Variants in NFRKB observed in about 807,000 individuals in gnomAD.
NFRKB encodes the protein nuclear factor related to kappaB binding protein.
In NFRKB, 62 loss-of-function variants were observed where a neutral mutation model predicts 135.7. That is an observed-to-expected ratio of 0.46 (90% CI 0.37 to 0.56). The LOEUF (loss-of-function observed/expected upper bound fraction) is 0.56, where lower values mean the gene tolerates loss of function less well. Among genes scored for constraint, NFRKB ranks in the 20% least tolerant of loss-of-function variants. The pLI, the probability that NFRKB is intolerant of heterozygous loss-of-function variation, is 0.00. For synonymous variants in NFRKB, 678 were observed against 635.6 expected (o/e 1.07, Z -1.00); for missense variants, 1,545 against 1,662.0 (o/e 0.93, Z 1.22).
At chr11:129,888,997 T>G (rs900679567) in intron 3 of NFRKB, among the ~76,000 whole-genome samples, 1 of 152,108 alleles carries the variant, frequency 6.6e-6, no homozygotes, top group East Asian at 1.9e-4. Flanking sequence ...TTTTTCTTTT[T>G]GAGACCAAAT....
At chr11:129,894,750 G>C (rs1255681748) in intron 1 of NFRKB, among the ~76,000 whole-genome samples, 1 of 152,182 alleles carries the variant, frequency 6.6e-6, no homozygotes, top group Non-Finnish European at 1.5e-5. Context: ...GGGTGAGACA[G>C]CACATAGCAT....
intron 15 of NFRKB, among the ~76,000 whole-genome samples, chr11:129,878,058 T>C (rs2135654721): frequency 6.6e-6 from 1 of 152,098 alleles, no homozygotes; most frequent in East Asian, 1.9e-4. Flanking sequence ...ATTAAAAAAG[T>C]ATGTCCACCT....
chr11:129,887,240 C>A (rs949795229), intron 4 of NFRKB, among the ~76,000 whole-genome samples: 1 of 152,176 alleles, frequency 6.6e-6, no homozygotes, highest in African/African-American at 2.4e-5. Context: ...AGTTGAGAAT[C>A]ACCCATGGAA....
intron 16 of NFRKB, among the ~76,000 whole-genome samples, chr11:129,877,118 C>A (rs534049661): frequency 5.9e-5 from 9 of 152,256 alleles, no homozygotes; most frequent in Non-Finnish European, 1.2e-4. Context: ...AGGCACTTTG[C>A]TACCTGGAAG....
At chr11:129,884,889 A>T in intron 6 of NFRKB, 43 bp from the exon 7 acceptor site, 1 of 1,613,742 alleles carries the variant, frequency 6.2e-7, no homozygotes, top group Non-Finnish European at 8.5e-7. Flanking sequence ...GTGGCTGTGG[A>T]CTCCAATAGG....
In NFRKB at chr11:129,864,490, T is replaced by C; in HGVS notation, c.*235A>G. ...AATTCCTGCAATTTCAACAGAATAT[T>C]CTCCTAGATTGGTAGAGAGCAGACC... is the stretch of plus-strand genomic sequence containing the variant. On this transcript the variant is annotated 3_prime_UTR_variant, in exon 27 of 27. Transcript: ENST00000682444. 1 of 488,174 alleles carries C rather than the reference T, an allele frequency of 2.0e-6. No homozygotes were observed. The highest frequency in any genetic ancestry group is 3.4e-5 in the Admixed American group (1 of 29,724). The allele number at this position is 488,174 out of a possible 1,614,324, so 30.2% of individuals were successfully genotyped here. A position where few individuals can be genotyped will look rare whatever the true frequency, so the allele number is the denominator to read the frequency against.
At chr11:129,868,507 G>A (rs1437291973) in intron 24 of NFRKB, among the ~76,000 whole-genome samples, 2 of 152,200 alleles carry the variant, frequency 1.3e-5, no homozygotes, top group Admixed American at 6.5e-5. Context: ...CCTTTCAGGC[G>A]GCACCGCTGG....
In NFRKB at chr11:129,881,502, G is replaced by A. The variant is rs775958584; in HGVS notation, c.1325C>T (p.Pro442Leu). ...QYLAGESRAV[P>L]SSFSPFVEFK... ...TTCAACAAATGGAGAGAAACTGGAA[G>A]GAACAGCTGCAAGAAATGGACCACA... The change falls in exon 13 of 27, where the codon CCT becomes CTT. Residue 442 changes from proline to leucine, a missense_variant. Pro to Leu is a moderately conservative substitution (Grantham distance 98, BLOSUM62 -3). Around this residue, in one of 3 missense-constraint regions of NFRKB, gnomAD observed 678 missense variants for 646.7 expected, o/e 1.05. Transcript: ENST00000682444. 2.5e-6 allele frequency: 4 copies of A among 1,614,132 alleles called. No homozygotes were observed. In the East Asian group the frequency reaches 8.9e-5, roughly 36 times the overall value.
At chr11:129,887,131 G>A (rs1244537391) in intron 4 of NFRKB, among the ~76,000 whole-genome samples, 1 of 152,192 alleles carries the variant, frequency 6.6e-6, no homozygotes, top group African/African-American at 2.4e-5. Context: ...AAGGGAAGAG[G>A]AAGAGGCTTC....
intron 22 of NFRKB, 52 bp downstream of exon 22, chr11:129,873,693 C>A: frequency 6.3e-7 from 1 of 1,589,270 alleles, no homozygotes. Context: ...CTCATCAGCC[C>A]ACCTCTGGGT....
intron 13 of NFRKB, 42 bp from the exon 14 acceptor site, chr11:129,878,585 G>A: frequency 6.6e-7 from 1 of 1,509,050 alleles, no homozygotes; most frequent in Non-Finnish European, 9.2e-7. Context: ...GAAGGTCTAA[G>A]GTATTATTGA....
chr11:129,885,701 G>A, intron 5 of NFRKB, 92 bp from the exon 6 acceptor site: 1 of 1,253,994 alleles, frequency 8.0e-7, no homozygotes, highest in African/African-American at 1.5e-5. Flanking sequence ...CTTCTCTTCA[G>A]TGTTAAGCCC....
In NFRKB at chr11:129,874,368, C is replaced by G. The variant is rs771565917; in HGVS notation, c.2059-35G>C. ...AAGACAAAGAAAACTCACCTGGTGTCGTGAAGATCCCCCTAAAGGAAGGGA... is the reference window on the plus strand; with the variant it reads ...AAGACAAAGAAAACTCACCTGGTGTGGTGAAGATCCCCCTAAAGGAAGGGA... On this transcript the variant is annotated intron_variant, in intron 20 of 26. Coordinates refer to ENST00000682444, the MANE Select transcript of NFRKB (RefSeq NM_001143835.2). This position sits in a 1 kb window ranked among gnomAD's most constrained non-coding sequence, Gnocchi z 4.5. 1 of 1,519,946 alleles carries G rather than the reference C, an allele frequency of 6.6e-7. No individual in the cohort carries two copies. The highest frequency in any genetic ancestry group is 8.8e-7 in the Non-Finnish European group (1 of 1,136,790). The allele number at this position is 1,519,946 out of a possible 1,614,324, so 94.2% of individuals were successfully genotyped here.
Position 129,877,356 on chromosome 11 carries a change from G to C in NFRKB, c.1541C>G (p.Thr514Arg). 1 of 1,614,146 alleles carries C rather than the reference G, an allele frequency of 6.2e-7. No individual in the cohort carries two copies. Among genetic ancestry groups the C allele is most frequent in the Non-Finnish European group, 8.5e-7 (1 of 1,180,030 alleles). Residue 514 changes from threonine to arginine, a missense_variant, in exon 16 of 27, where the codon ACG becomes AGG. Coordinates refer to ENST00000682444, the MANE Select transcript of NFRKB (RefSeq NM_001143835.2). ...CTGAAAAACCCGTTTCTCCTCCCCC[G>C]TGCTGGGACGCACCACATAGTCAGT... ...VRTDYVVRPS[T>R]GEEKRVFQEQ...
At chr11:129,883,251 GC>G (rs779657102) in intron 8 of NFRKB, 45 bp from the exon 9 acceptor site, 17 of 1,525,300 alleles carry the variant, frequency 1.1e-5, no homozygotes, top group Non-Finnish European at 1.0e-5. Context: ...CCAAAAAGGA[GC>G]AAAAACTGAG....
At chr11:129,887,234 G>A (rs918079659) in intron 4 of NFRKB, among the ~76,000 whole-genome samples, 3 of 152,206 alleles carry the variant, frequency 2.0e-5, no homozygotes, top group African/African-American at 4.8e-5. Context: ...TGATGCAGTT[G>A]AGAATCACCC....
rs183500128 is a variant in NFRKB at position 129,882,214 on chromosome 11, A to T, written c.1083-20T>A. The T allele has an allele frequency of 6.3e-7, 1 of 1,583,176 alleles. No homozygotes were observed. The highest frequency in any genetic ancestry group is 1.4e-5 in the African/African-American group (1 of 73,218). On this transcript the variant is annotated intron_variant, in intron 10 of 26. Coordinates refer to ENST00000682444, the MANE Select transcript of NFRKB (RefSeq NM_001143835.2). ...AGGGGCCTAATGAGGGAAGAAAAAT[A>T]TAAGAACCAAAAAGACCAAGAACAC...
At chr11:129,893,470 G>C (rs1591542615) in intron 2 of NFRKB, 2 of 255,502 alleles carry the variant, frequency 7.8e-6, no homozygotes, top group Non-Finnish European at 1.6e-5. Context: ...TGAGGTGGGA[G>C]GATCGCTTGA....
Position 129,878,333 on chromosome 11 carries a change from T to C in NFRKB, c.1487A>G (p.Asp496Gly), listed in dbSNP as rs140558075. 20 of 1,614,230 alleles carry C rather than the reference T, an allele frequency of 1.2e-5. No homozygotes were observed. In the African/African-American group the frequency reaches 2.5e-4, roughly 20 times the overall value. Residue 496 changes from aspartate (D) to glycine (G), a missense_variant, in exon 15 of 27, where the codon GAT becomes GGT. Asp to Gly is a moderately conservative substitution (Grantham distance 94, BLOSUM62 -1). Around this residue, in one of 3 missense-constraint regions of NFRKB, gnomAD observed 678 missense variants for 646.7 expected, o/e 1.05. Transcript: ENST00000682444. ...FCKQENEDSS[D>G]ATTPVPRVRT... ...CACCCGAGGGACAGGTGTTGTGGCA[T>C]CTGAGCTGTCTTCATTTTCTTGCTG...
Sources: allele counts gnomAD v4.1 joint callset (sites outside exome capture counted in the v4.1 genomes callset), GRCh38; gene constraint gnomAD v4.1.1; regional missense constraint gnomAD v4.1.1; non-coding constraint Gnocchi (gnomAD v3.1); transcripts MANE v1.5; gene names NCBI Gene and HGNC (gene_info 2026-07-23, HGNC 2026-07-21).